Variants in CTNNA3 observed in about 807,000 individuals in gnomAD.
CTNNA3 encodes catenin alpha-3.
Under a neutral mutation model 95.7 loss-of-function variants are expected in CTNNA3, and 76 were observed. The observed-to-expected ratio is 0.79, with a 90% CI of 0.66 to 0.96. CTNNA3 has a LOEUF of 0.96. Ranked by LOEUF, CTNNA3 falls within the 40% of genes least tolerant of loss-of-function variation. CTNNA3 has a pLI of 0.00. For missense variants in CTNNA3, 1,191 were observed against 1,089.8 expected (o/e 1.09, Z -1.31); for synonymous variants, 431 against 374.4 (o/e 1.15, Z -1.74).
chr10:66,437,057 CCT>C, intron 11 of CTNNA3, among the ~76,000 whole-genome samples: 1 of 152,160 alleles, frequency 6.6e-6, no homozygotes, highest in South Asian at 2.1e-4. Context: ...CAAGAGATCC[CCT>C]GTTAGTCTGA....
At chr10:66,616,881 G>T (rs1252079347) in intron 10 of CTNNA3, among the ~76,000 whole-genome samples, 1 of 151,806 alleles carries the variant, frequency 6.6e-6, no homozygotes, top group Non-Finnish European at 1.5e-5. Flanking sequence ...TAATTATACT[G>T]TCTTTTTTTC....
rs67324505 is a variant in CTNNA3 at position 67,647,146 on chromosome 10, TTATATATATATATA to T, written c.99+255_99+268del. 0.13 allele frequency among the ~76,000 whole-genome samples: 17,831 copies of T among 136,464 alleles called. 2,107 individuals are homozygous for T. Among genetic ancestry groups the T allele is most frequent in the East Asian group, 0.45 (2,186 of 4,852 alleles). 89.5% of individuals were successfully genotyped at this position (136,464 alleles called of 152,430 possible). On this transcript the variant is annotated intron_variant, in intron 2 of 17. Coordinates refer to ENST00000433211, the MANE Select transcript of CTNNA3 (RefSeq NM_013266.4). The stretch of plus-strand genomic sequence containing the variant: ...AATTTATATAAAGGTACTCTGAAAA[TTATATATATATATA>T]TATATATATATATATATTATTACTG...
At chr10:67,218,224 C>G (rs1035038061) in intron 6 of CTNNA3, among the ~76,000 whole-genome samples, 1 of 152,170 alleles carries the variant, frequency 6.6e-6, no homozygotes, top group African/African-American at 2.4e-5. Flanking sequence ...ACTCGGCACT[C>G]CCCAGATACA....
intron 7 of CTNNA3, among the ~76,000 whole-genome samples, chr10:66,965,568 T>G (rs1300453570): frequency 2.1e-5 from 2 of 95,322 alleles, no homozygotes; most frequent in East Asian, 4.6e-4. Flanking sequence ...AAAAGCTGTT[T>G]TTTTTTTTTT....
intron 7 of CTNNA3, among the ~76,000 whole-genome samples, chr10:66,900,712 T>A (rs1233958260): frequency 1.3e-5 from 2 of 152,008 alleles, no homozygotes; most frequent in Non-Finnish European, 2.9e-5. Flanking sequence ...AACCATGGCA[T>A]GAGAACTTCA....
intron 5 of CTNNA3, among the ~76,000 whole-genome samples, chr10:67,221,412 C>A (rs57554282): frequency 0.057 from 8,671 of 151,974 alleles, 465 homozygotes; most frequent in South Asian, 0.21. Flanking sequence ...GTGATTATTC[C>A]CATTTTAAAA....
At chr10:66,868,761 A>G (rs1844285030) in intron 7 of CTNNA3, among the ~76,000 whole-genome samples, 1 of 152,102 alleles carries the variant, frequency 6.6e-6, no homozygotes, top group Non-Finnish European at 1.5e-5. Context: ...AAAAAAAAAA[A>G]AAAAAATCAG....
chr10:66,425,059 T>G (rs1374582595), intron 11 of CTNNA3, among the ~76,000 whole-genome samples: 1 of 151,938 alleles, frequency 6.6e-6, no homozygotes, highest in Non-Finnish European at 1.5e-5. Context: ...TACAAATAAT[T>G]GTGAATTATA....
chr10:67,132,182 T>A (rs1860045201), intron 7 of CTNNA3, among the ~76,000 whole-genome samples: 1 of 152,146 alleles, frequency 6.6e-6, no homozygotes, highest in Admixed American at 6.6e-5. Flanking sequence ...AATATGACTC[T>A]TATGTTTCTA....
chr10:66,541,455 A>C (rs575052855), intron 10 of CTNNA3, among the ~76,000 whole-genome samples: 23 of 152,232 alleles, frequency 1.5e-4, no homozygotes, highest in African/African-American at 5.5e-4. Context: ...CATCTGAGCT[A>C]CTTCCATATA....
intron 7 of CTNNA3, chr10:67,097,730 T>A: frequency 6.2e-7 from 1 of 1,612,656 alleles, no homozygotes; most frequent in Non-Finnish European, 8.5e-7. Context: ...ACCTAGAGAC[T>A]GAGCTGGACC....
At chr10:67,483,072 A>G (rs1848300660) in intron 5 of CTNNA3, among the ~76,000 whole-genome samples, 1 of 152,016 alleles carries the variant, frequency 6.6e-6, no homozygotes, top group South Asian at 2.1e-4. Flanking sequence ...ATGAGATACC[A>G]TCTCACACCA....
intron 9 of CTNNA3, among the ~76,000 whole-genome samples, chr10:66,707,454 C>T (rs1234239728): frequency 6.6e-6 from 1 of 151,896 alleles, no homozygotes; most frequent in African/African-American, 2.4e-5. Context: ...AGGGCTCCCT[C>T]TTACACTCTG....
At chr10:67,286,222 G>A (rs545798973) in intron 5 of CTNNA3, among the ~76,000 whole-genome samples, 315 of 152,284 alleles carry the variant, frequency 2.1e-3, no homozygotes, top group South Asian at 6.8e-3. Context: ...ATAACCCTTA[G>A]TGACTCTTAC....
At position 67,077,746 on chromosome 10, in the gene CTNNA3, G is replaced by A. The variant is rs139855326; in HGVS notation, c.1047+102571C>T. Reference sequence around the variant, plus strand: ...TGATAATATCTATTTCTATTTATTCGCTCATCTCACTAGCACCTAAGACAG... The same window carrying A: ...TGATAATATCTATTTCTATTTATTCACTCATCTCACTAGCACCTAAGACAG... On this transcript the variant is annotated intron_variant, in intron 7 of 17. Transcript: ENST00000433211. 9.9e-4 allele frequency among the ~76,000 whole-genome samples: 150 copies of A among 151,566 alleles called. 3 individuals carry two copies. Among genetic ancestry groups the A allele is most frequent in the African/African-American group, 3.5e-3 (145 of 41,248 alleles).
chr10:66,042,899 C>CAAAAAAA lies in CTNNA3; in HGVS notation c.2159+26402_2159+26408dup, dbSNP rs60090636. Among the ~76,000 whole-genome samples the CAAAAAAA allele has an allele frequency of 3.9e-3, 198 of 50,414 alleles. 13 individuals are homozygous for CAAAAAAA. Among genetic ancestry groups the CAAAAAAA allele is most frequent in the Non-Finnish European group, 4.9e-3 (145 of 29,506 alleles). The allele number at this position is 50,414 out of a possible 152,430, so 33.1% of individuals were successfully genotyped here. ...TGGGTGACTGAGCGAGACTCTGTCT[C>CAAAAAAA]AAAAAAAAAAAAAAAAAAAAAAAAA... On this transcript the variant is annotated intron_variant, in intron 15 of 17. Coordinates refer to ENST00000433211, the MANE Select transcript of CTNNA3 (RefSeq NM_013266.4).
intron 5 of CTNNA3, among the ~76,000 whole-genome samples, chr10:67,473,235 C>T (rs767363064): frequency 8.5e-5 from 13 of 152,156 alleles, no homozygotes; most frequent in Non-Finnish European, 1.5e-4. Context: ...CTCAAGCCCT[C>T]ATCATACATG....
intron 1 of CTNNA3, chr10:67,750,631 A>G: frequency 1.3e-6 from 2 of 1,547,210 alleles, no homozygotes; most frequent in Non-Finnish European, 1.8e-6. Flanking sequence ...ACAGGGATAC[A>G]AGTCTGGGGA....
At chr10:66,107,833 TA>T (rs1405523675) in intron 13 of CTNNA3, among the ~76,000 whole-genome samples, 1 of 151,566 alleles carries the variant, frequency 6.6e-6, no homozygotes, top group East Asian at 1.9e-4. Flanking sequence ...AGGAAGAAAA[TA>T]AAAAAGAAAT....
Sources: gnomAD v4.1 joint callset for allele counts (sites outside exome capture counted in the v4.1 genomes callset) on GRCh38, gnomAD v4.1.1 for gene constraint, MANE v1.5 for transcripts, NCBI Gene and HGNC (gene_info 2026-07-23, HGNC 2026-07-21) for gene names.